Variants in MLLT1 observed in about 807,000 individuals in gnomAD.
The protein encoded by MLLT1 is MLLT1 super elongation complex subunit, also known as protein ENL.
A neutral mutation model predicts 55.1 loss-of-function variants in MLLT1; 11 were observed. The ratio of observed to expected loss-of-function variants is 0.20; its 90% CI spans 0.13 to 0.33. The LOEUF (loss-of-function observed/expected upper bound fraction) is 0.33. Ranked by LOEUF, MLLT1 falls within the 10% of genes least tolerant of loss-of-function variation. The pLI, the probability that MLLT1 is intolerant of heterozygous loss-of-function variation, is 1.00. For synonymous variants in MLLT1, 323 were observed against 320.1 expected (o/e 1.01, Z -0.10); for missense variants, 536 against 760.6 (o/e 0.70, Z 3.47).
Position 6,227,857 on chromosome 19 carries a change from T to A in MLLT1, c.421-755A>T, listed in dbSNP as rs1456082994. 6.6e-6 allele frequency among the ~76,000 whole-genome samples: 1 copy of A among 152,052 alleles called. No homozygotes were observed. The highest frequency in any genetic ancestry group is 1.9e-4 in the East Asian group (1 of 5,182). ...GTCTTGAGATATCAACACTGCGAGTTAAGGAATGCCACCACCACAGAGAAA... is the reference window on the plus strand; with the variant it reads ...GTCTTGAGATATCAACACTGCGAGTAAAGGAATGCCACCACCACAGAGAAA... On this transcript the variant is annotated intron_variant, in intron 4 of 11. Transcript: ENST00000252674. This position sits in a 1 kb window ranked among gnomAD's most constrained non-coding sequence, Gnocchi z 5.1.
chr19:6,254,779 T>TC (rs1475175212), intron 3 of MLLT1, among the ~76,000 whole-genome samples: 3 of 152,116 alleles, frequency 2.0e-5, no homozygotes, highest in African/African-American at 7.2e-5. Flanking sequence ...TGGAAACTCT[T>TC]CCCCTGAGAT....
At chr19:6,261,337 G>A (rs865933381) in intron 3 of MLLT1, among the ~76,000 whole-genome samples, 5 of 152,226 alleles carry the variant, frequency 3.3e-5, no homozygotes, top group African/African-American at 7.2e-5. Context: ...TAGGACGGCC[G>A]CACGCCAAAT....
intron 3 of MLLT1, among the ~76,000 whole-genome samples, chr19:6,257,612 C>T (rs2144931301): frequency 6.6e-6 from 1 of 152,248 alleles, no homozygotes; most frequent in South Asian, 2.1e-4. Context: ...ACCAGCCTCG[C>T]AAACATGGCG....
Position 6,226,725 on chromosome 19 carries a change from C to T in MLLT1, c.546+252G>A, listed in dbSNP as rs1473830195. Among the ~76,000 whole-genome samples, 3 of 152,136 alleles carry T rather than the reference C, an allele frequency of 2.0e-5. No individual in the cohort carries two copies. Among genetic ancestry groups the T allele is most frequent in the Non-Finnish European group, 4.4e-5 (3 of 68,040 alleles). ...GGGGCCCTGCCATCACTTGGCAGAACGGGAGAGGACTAGGCAGGGTCTCTG... is the reference window on the plus strand; with the variant it reads ...GGGGCCCTGCCATCACTTGGCAGAATGGGAGAGGACTAGGCAGGGTCTCTG... On this transcript the variant is annotated intron_variant, in intron 5 of 11. Coordinates refer to ENST00000252674, the MANE Select transcript of MLLT1 (RefSeq NM_005934.4). The surrounding 1 kb of genome is among the most constrained non-coding windows in gnomAD (Gnocchi z 6.3).
intron 3 of MLLT1, among the ~76,000 whole-genome samples, chr19:6,261,264 C>A (rs2091302530): frequency 6.6e-6 from 1 of 152,220 alleles, no homozygotes; most frequent in Non-Finnish European, 1.5e-5. Context: ...TGAACTGGAC[C>A]CCGCGCGAGG....
intron 2 of MLLT1, among the ~76,000 whole-genome samples, chr19:6,267,418 T>A (rs2091357571): frequency 6.7e-6 from 1 of 148,634 alleles, no homozygotes; most frequent in Non-Finnish European, 1.5e-5. Flanking sequence ...AAAAAAAAAA[T>A]TCCACAGAAT....
intron 8 of MLLT1, 81 bp from the exon 9 acceptor site, chr19:6,214,119 C>T (rs374483305): frequency 4.7e-5 from 41 of 865,986 alleles, no homozygotes; most frequent in East Asian, 1.9e-4. Context: ...GCCTCTGCCC[C>T]GCACGGAGTC....
chr19:6,236,747 A>T (rs1008276032), intron 3 of MLLT1, among the ~76,000 whole-genome samples: 4 of 152,168 alleles, frequency 2.6e-5, no homozygotes, highest in Non-Finnish European at 5.9e-5. Flanking sequence ...CCTGGAAACC[A>T]GCCTCCTGGG....
intron 1 of MLLT1, among the ~76,000 whole-genome samples, chr19:6,275,995 A>C (rs1404848367): frequency 1.3e-5 from 2 of 152,136 alleles, no homozygotes; most frequent in Non-Finnish European, 2.9e-5. Context: ...GCACAACCCC[A>C]ATACAGGCAT....
rs1406836659 is a variant in MLLT1, at chr19:6,210,896, G to A, written c.*2146C>T. ...GCCCAGAGCAGCTCTGGAGGACAAC[G>A]TGAGGCCTTCCGGCCAGAGGAGGTA... On this transcript the variant is annotated 3_prime_UTR_variant, in exon 12 of 12. Transcript: ENST00000252674. This position sits in a 1 kb window ranked among gnomAD's most constrained non-coding sequence, Gnocchi z 4.6. The A allele has an allele frequency of 1.3e-5, 3 of 230,294 alleles. No individual in the cohort carries two copies. Among genetic ancestry groups the A allele is most frequent in the African/African-American group, 2.2e-5 (1 of 45,138 alleles). The allele number at this position is 230,294 out of a possible 1,614,324, so 14.3% of individuals were successfully genotyped here. A position where few individuals can be genotyped will look rare whatever the true frequency, so the allele number is the denominator to read the frequency against.
chr19:6,221,114 C>T (rs764786222), intron 6 of MLLT1, among the ~76,000 whole-genome samples: 87 of 152,314 alleles, frequency 5.7e-4, no homozygotes, highest in Non-Finnish European at 1.0e-3. Flanking sequence ...GGCTTTGTGG[C>T]TGGGACCTGC....
Position 6,262,288 on chromosome 19 carries a change from T to C in MLLT1, c.216A>G (p.Lys72=). ...PRRVCKEPPY[K]VEESGYAGFI... The stretch of plus-strand genomic sequence containing the variant: ...AGCCAGCGTACCCCGACTCCTCTAC[T>C]TTGTAGGGGGGCTCCTTGCACACTA... The change falls in exon 3 of 12, where the codon AAA becomes AAG. Residue 72 remains lysine (K), a synonymous_variant. Transcript: ENST00000252674. This position sits in a 1 kb window ranked among gnomAD's most constrained non-coding sequence, Gnocchi z 4.4. 6.2e-7 allele frequency: 1 copy of C among 1,613,752 alleles called. No homozygotes were observed. Among genetic ancestry groups the C allele is most frequent in the Non-Finnish European group, 8.5e-7 (1 of 1,179,872 alleles).
intron 3 of MLLT1, among the ~76,000 whole-genome samples, chr19:6,241,939 G>A (rs1406682125): frequency 3.3e-5 from 5 of 152,210 alleles, no homozygotes; most frequent in African/African-American, 1.2e-4. Flanking sequence ...TGTCCCTGGC[G>A]GAGCGCTCTA....
At chr19:6,234,890 TCAAA>T (rs768603057) in intron 3 of MLLT1, among the ~76,000 whole-genome samples, 1 of 136,262 alleles carries the variant, frequency 7.3e-6, no homozygotes, top group African/African-American at 2.8e-5. Flanking sequence ...ATGTCCTGAT[TCAAA>T]CAAACAAACA....
chr19:6,278,072 T>C (rs1013602994), intron 1 of MLLT1, among the ~76,000 whole-genome samples: 1 of 151,878 alleles, frequency 6.6e-6, no homozygotes, highest in African/African-American at 2.4e-5. Flanking sequence ...GGAGGGAGGA[T>C]TCTTGCCCCC....
intron 3 of MLLT1, among the ~76,000 whole-genome samples, chr19:6,245,474 G>A (rs2091159564): frequency 6.6e-6 from 1 of 151,684 alleles, no homozygotes. Flanking sequence ...ACTTTGGGAG[G>A]CCGAGGTGGG....
At chr19:6,233,331 T>G (rs1324386110) in intron 3 of MLLT1, among the ~76,000 whole-genome samples, 2 of 151,932 alleles carry the variant, frequency 1.3e-5, no homozygotes, top group Non-Finnish European at 2.9e-5. Context: ...GAACCACGAG[T>G]CCGGTCAGAG....
Position 6,211,898 on chromosome 19 carries a change from C to T in MLLT1, c.*1144G>A, listed in dbSNP as rs1019238223. ...CAGCATGAATTGCGGCGGTGGAGGC[C>T]GGGGCGGGCCAGGCCGCGACCAGAG... On this transcript the variant is annotated 3_prime_UTR_variant, in exon 12 of 12. Coordinates refer to ENST00000252674, the MANE Select transcript of MLLT1 (RefSeq NM_005934.4). The surrounding 1 kb of genome is among the most constrained non-coding windows in gnomAD (Gnocchi z 4.6). 8 of 1,064,404 alleles carry T rather than the reference C, an allele frequency of 7.5e-6. No homozygotes were observed. The Admixed American group carries it at 2.7e-4, about 36-fold the overall frequency. The allele number at this position is 1,064,404 out of a possible 1,614,324, so 65.9% of individuals were successfully genotyped here.
At position 6,230,474 on chromosome 19, in the gene MLLT1, C is replaced by T. The variant is rs1373210879; in HGVS notation, c.420+96G>A. On this transcript the variant is annotated intron_variant, in intron 4 of 11. Transcript: ENST00000252674. The surrounding 1 kb of genome is among the most constrained non-coding windows in gnomAD (Gnocchi z 9.0). ...GTGTGACCTGCGCCTTGGGTCTCGG[C>T]CCCCAGCACCGACACCTCTGGCTGG... 27 of 1,468,326 alleles carry T rather than the reference C, an allele frequency of 1.8e-5. No homozygotes were observed. The South Asian group carries it at 3.0e-4, about 17-fold the overall frequency. 91.0% of individuals were successfully genotyped at this position (1,468,326 alleles called of 1,614,324 possible). A position where few individuals can be genotyped will look rare whatever the true frequency, so the allele number is the denominator to read the frequency against.
Sources: gnomAD v4.1 joint callset for allele counts (sites outside exome capture counted in the v4.1 genomes callset) on GRCh38, gnomAD v4.1.1 for gene constraint, Gnocchi (gnomAD v3.1) non-coding constraint, MANE v1.5 for transcripts, NCBI Gene and HGNC (gene_info 2026-07-23, HGNC 2026-07-21) for gene names.